Variants in DOCK1 observed in about 807,000 individuals in gnomAD.
The protein encoded by DOCK1 is dedicator of cytokinesis 1.
Under a neutral mutation model 262.7 loss-of-function variants are expected in DOCK1, and 138 were observed. That is an observed-to-expected ratio of 0.53 (90% confidence interval 0.46 to 0.61). DOCK1 has a LOEUF of 0.61. Ranked by LOEUF, DOCK1 falls within the 20% of genes least tolerant of loss-of-function variation. The pLI is 0.00. For synonymous variants in DOCK1, 866 were observed against 867.4 expected (o/e 1.00, Z 0.03); for missense variants, 1,908 against 2,370.7 (o/e 0.80, Z 4.05).
chr10:127,354,830 G>T, intron 32 of DOCK1, 103 bp downstream of exon 32: 1 of 1,401,294 alleles, frequency 7.1e-7, no homozygotes, highest in South Asian at 1.2e-5. Context: ...GATCTTAATG[G>T]CTTCTGTTCC....
chr10:127,208,491 A>G (rs1014537191), intron 27 of DOCK1, among the ~76,000 whole-genome samples: 18 of 152,314 alleles, frequency 1.2e-4, no homozygotes, highest in African/African-American at 4.1e-4. Flanking sequence ...TGAGATGAAT[A>G]GTTAAGTTTC....
intron 29 of DOCK1, among the ~76,000 whole-genome samples, chr10:127,305,391 T>C (rs549966384): frequency 6.6e-6 from 1 of 152,274 alleles, no homozygotes; most frequent in African/African-American, 2.4e-5. Flanking sequence ...TCCCGAGGCA[T>C]TGCAAATCCT....
At chr10:127,188,975 C>T (rs1044086343) in intron 27 of DOCK1, among the ~76,000 whole-genome samples, 12 of 152,298 alleles carry the variant, frequency 7.9e-5, no homozygotes, top group Non-Finnish European at 1.3e-4. Context: ...CGCACCACCA[C>T]GCTGCACTCC....
chr10:126,964,346 C>G (rs918916168), intron 1 of DOCK1, among the ~76,000 whole-genome samples: 2 of 152,204 alleles, frequency 1.3e-5, no homozygotes, highest in Non-Finnish European at 2.9e-5. Context: ...GCGCAGGGGC[C>G]TATGGAGGCT....
At chr10:127,122,174 C>T (rs752325429) in intron 25 of DOCK1, among the ~76,000 whole-genome samples, 11 of 152,184 alleles carry the variant, frequency 7.2e-5, no homozygotes, top group Admixed American at 6.5e-5. Flanking sequence ...CCTTCAGCTT[C>T]GGTCCTCCCA....
chr10:127,280,054 A>G (rs1452815467), intron 29 of DOCK1, among the ~76,000 whole-genome samples: 19 of 81,292 alleles, frequency 2.3e-4, no homozygotes, highest in Non-Finnish European at 4.1e-4. Context: ...TTTTTTTTTG[A>G]GACGGAGTCT....
intron 27 of DOCK1, among the ~76,000 whole-genome samples, chr10:127,182,017 T>A (rs2055783970): frequency 1.3e-5 from 2 of 152,008 alleles, no homozygotes; most frequent in Non-Finnish European, 2.9e-5. Context: ...CAAAAAGGGG[T>A]GACTGGATGA....
At chr10:127,405,482 TAGG>T (rs2134341727) in intron 40 of DOCK1, among the ~76,000 whole-genome samples, 1 of 148,946 alleles carries the variant, frequency 6.7e-6, no homozygotes, top group East Asian at 2.0e-4. Flanking sequence ...TCTCTTATCC[TAGG>T]AGACTATGTG....
At chr10:126,935,708 T>C (rs2034518011) in intron 1 of DOCK1, among the ~76,000 whole-genome samples, 1 of 152,358 alleles carries the variant, frequency 6.6e-6, no homozygotes, top group African/African-American at 2.4e-5. Context: ...GCCCCTACTC[T>C]GAGCTGTCCC....
intron 23 of DOCK1, among the ~76,000 whole-genome samples, chr10:127,088,577 G>C (rs2047333978): frequency 1.3e-5 from 2 of 152,158 alleles, no homozygotes; most frequent in African/African-American, 2.4e-5. Flanking sequence ...AACTCACAAT[G>C]TGTTTAAACT....
intron 1 of DOCK1, among the ~76,000 whole-genome samples, chr10:126,948,542 C>CT (rs1465429311): frequency 1.3e-5 from 2 of 151,808 alleles, no homozygotes; most frequent in African/African-American, 4.8e-5. Context: ...GGATGAACCT[C>CT]TTTTTTACGT....
At chr10:127,445,317 A>C (rs777118258) in intron 50 of DOCK1, among the ~76,000 whole-genome samples, 3 of 152,132 alleles carry the variant, frequency 2.0e-5, no homozygotes, top group Non-Finnish European at 2.9e-5. Flanking sequence ...AGGGCTGTGC[A>C]AGGCAGTGAG....
intron 27 of DOCK1, among the ~76,000 whole-genome samples, chr10:127,236,746 T>C (rs983749357): frequency 2.0e-5 from 3 of 152,050 alleles, no homozygotes; most frequent in African/African-American, 7.2e-5. Context: ...CTTTAAAATA[T>C]TCTTCTGTAT....
intron 1 of DOCK1, among the ~76,000 whole-genome samples, chr10:126,930,274 ATG>A (rs1309861212): frequency 3.9e-5 from 6 of 152,142 alleles, no homozygotes; most frequent in Non-Finnish European, 8.8e-5. Context: ...TCATGTCCAC[ATG>A]TGTGTTTGAG....
chr10:127,245,711 A>G (rs911209726), intron 27 of DOCK1, among the ~76,000 whole-genome samples: 2 of 152,188 alleles, frequency 1.3e-5, no homozygotes, highest in African/African-American at 4.8e-5. Context: ...GTCTGGCTGC[A>G]CTGATGTTTC....
chr10:127,387,248 C>T (rs925953989), intron 38 of DOCK1, among the ~76,000 whole-genome samples: 84 of 152,360 alleles, frequency 5.5e-4, no homozygotes, highest in African/African-American at 1.9e-3. Context: ...GGCCCTTCTG[C>T]GTCCTGAAAT....
intron 1 of DOCK1, among the ~76,000 whole-genome samples, chr10:126,960,966 T>C (rs987438954): frequency 1.3e-5 from 2 of 152,128 alleles, no homozygotes; most frequent in African/African-American, 4.8e-5. Context: ...TGTCTTTTAC[T>C]GTGTCTATCA....
chr10:126,992,760 A>ACACACACACACG (rs1479341776), intron 6 of DOCK1, among the ~76,000 whole-genome samples: 6 of 146,010 alleles, frequency 4.1e-5, no homozygotes, highest in Non-Finnish European at 9.1e-5. Flanking sequence ...ACACACACAC[A>ACACACACACACG]CACAGACAGA....
intron 33 of DOCK1, among the ~76,000 whole-genome samples, chr10:127,365,840 G>T (rs2064875438): frequency 6.6e-6 from 1 of 152,166 alleles, no homozygotes; most frequent in Admixed American, 6.5e-5. Context: ...CTAGGAAATG[G>T]TCCGAAGTTA....
Sources: allele counts gnomAD v4.1 joint callset (sites outside exome capture counted in the v4.1 genomes callset), GRCh38; gene constraint gnomAD v4.1.1; transcripts MANE v1.5; gene names NCBI Gene and HGNC (gene_info 2026-07-23, HGNC 2026-07-21).